The following LGSN variants were observed in gnomAD, a reference collection of about 807,000 sequenced individuals.
LGSN encodes the protein lengsin, lens protein with glutamine synthetase domain.
LGSN carries 21 observed loss-of-function variants against 19.5 expected under a neutral mutation model. The ratio of observed to expected loss-of-function variants is 1.07; its 90% CI spans 0.76 to 1.55. The LOEUF is 1.55. Among genes scored for constraint, LGSN ranks in the 40% most tolerant of loss-of-function variants. The pLI, the probability that LGSN is intolerant of heterozygous loss-of-function variation, is 0.00. For missense variants in LGSN, 673 were observed against 608.5 expected, an observed-to-expected ratio of 1.11 and a Z score of -1.12; for synonymous variants, 257 against 215.6, an observed-to-expected ratio of 1.19 and a Z score of -1.68.
chr6:63,472,224 C>G, the LGSN span, among the ~76,000 whole-genome samples: 2 of 152,296 alleles, frequency 1.3e-5, no homozygotes, highest in Non-Finnish European at 2.9e-5. Flanking sequence ...GCCCTTCAGC[C>G]TACATTTGGT....
At chr6:63,406,020 C>A in the LGSN span, among the ~76,000 whole-genome samples, 4 of 152,288 alleles carry the variant, frequency 2.6e-5, no homozygotes, top group East Asian at 7.7e-4. Context: ...CACCCAGATT[C>A]ATAAAGCAAG....
chr6:63,336,751 G>A, the LGSN span, among the ~76,000 whole-genome samples: 8 of 150,026 alleles, frequency 5.3e-5, no homozygotes, highest in Admixed American at 4.0e-4. Context: ...TCAGCATCCC[G>A]CGTAGTAGCT....
the LGSN span, among the ~76,000 whole-genome samples, chr6:63,351,449 G>C: frequency 1.3e-5 from 2 of 151,792 alleles, no homozygotes; most frequent in Admixed American, 6.6e-5. Context: ...GAGAGAGAGA[G>C]AGAGACAGAG....
the LGSN span, among the ~76,000 whole-genome samples, chr6:63,330,084 T>C: frequency 6.6e-6 from 1 of 152,216 alleles, no homozygotes; most frequent in Non-Finnish European, 1.5e-5. Flanking sequence ...TGTTGGATCA[T>C]CTGGTTGGGG....
At chr6:63,334,604 A>T in the LGSN span, among the ~76,000 whole-genome samples, 1 of 152,208 alleles carries the variant, frequency 6.6e-6, no homozygotes, top group Non-Finnish European at 1.5e-5. Context: ...AAACAGAAAA[A>T]ACAATTCTAA....
the LGSN span, chr6:63,550,221 G>C: frequency 6.6e-6 from 1 of 152,106 alleles, no homozygotes; most frequent in Non-Finnish European, 1.5e-5. Context: ...AATGCTTCAT[G>C]AGCCCCTCCC....
chr6:63,494,045 G>A, the LGSN span, among the ~76,000 whole-genome samples: 1 of 151,644 alleles, frequency 6.6e-6, no homozygotes, highest in Non-Finnish European at 1.5e-5. Flanking sequence ...TGCCTCCCGG[G>A]TTCAAGTGAT....
the LGSN span, among the ~76,000 whole-genome samples, chr6:63,353,702 A>G: frequency 2.6e-5 from 4 of 152,250 alleles, no homozygotes; most frequent in Non-Finnish European, 4.4e-5. Flanking sequence ...GTCCTCAGCA[A>G]AAAGAACAAA....
chr6:63,390,118 C>CTTTTTTTTTTTTTTTTTTTTTTT, the LGSN span, among the ~76,000 whole-genome samples: 1 of 66,336 alleles, frequency 1.5e-5, no homozygotes, highest in African/African-American at 6.7e-5. Flanking sequence ...TTCTTTCTTT[C>CTTTTTTTTTTTTTTTTTTTTTTT]TTTTTTTTTT....
the LGSN span, among the ~76,000 whole-genome samples, chr6:63,468,681 G>A: frequency 6.6e-6 from 1 of 152,184 alleles, no homozygotes; most frequent in Non-Finnish European, 1.5e-5. Context: ...GCCCGCCTCA[G>A]CCTCCCAAAG....
At position 63,310,792 on chromosome 6, in the gene LGSN, T is replaced by C. The variant is rs531503203; in HGVS notation, c.30+9122A>G. 2.6e-5 allele frequency among the ~76,000 whole-genome samples: 4 copies of C among 152,318 alleles called. No homozygotes were observed. In the East Asian group the frequency reaches 7.7e-4, roughly 29 times the overall value. The stretch of plus-strand genomic sequence containing the variant: ...AAGGAGCCAAATCAGTGCTGTAAAC[T>C]GGATGCTTATGATCTCCCATCAAAA... On this transcript the variant is annotated intron_variant, in intron 1 of 3. Transcript: ENST00000370657.
chr6:63,491,524 T>C, the LGSN span, among the ~76,000 whole-genome samples: 1 of 152,322 alleles, frequency 6.6e-6, no homozygotes, highest in Middle Eastern at 3.4e-3. Context: ...ACTGTTTCTC[T>C]TTTTCAATCA....
At chr6:63,377,689 G>T in the LGSN span, among the ~76,000 whole-genome samples, 1 of 152,002 alleles carries the variant, frequency 6.6e-6, no homozygotes, top group Non-Finnish European at 1.5e-5. Context: ...GAGGCAGGAG[G>T]ATCACTTAAG....
At chr6:63,385,667 G>T in the LGSN span, among the ~76,000 whole-genome samples, 1,471 of 152,220 alleles carry the variant, frequency 9.7e-3, 16 homozygotes, top group African/African-American at 0.033. Flanking sequence ...CTTATCCATA[G>T]TTTTCTAAGC....
At chr6:63,471,859 G>A in the LGSN span, among the ~76,000 whole-genome samples, 1 of 152,080 alleles carries the variant, frequency 6.6e-6, no homozygotes, top group Non-Finnish European at 1.5e-5. Flanking sequence ...GGACCCTCAG[G>A]ATGGGATTAG....
At chr6:63,305,049 A>G (rs1768325810) in intron 1 of LGSN, among the ~76,000 whole-genome samples, 1 of 152,152 alleles carries the variant, frequency 6.6e-6, no homozygotes, top group Non-Finnish European at 1.5e-5. Flanking sequence ...TTAGACCCCA[A>G]CAGAACAGAC....
chr6:63,507,586 A>T, the LGSN span, among the ~76,000 whole-genome samples: 1 of 152,132 alleles, frequency 6.6e-6, no homozygotes, highest in African/African-American at 2.4e-5. Flanking sequence ...TAAAATATCC[A>T]AAGCCAGTTT....
At chr6:63,359,978 T>C in the LGSN span, among the ~76,000 whole-genome samples, 1 of 152,246 alleles carries the variant, frequency 6.6e-6, no homozygotes, top group Non-Finnish European at 1.5e-5. Flanking sequence ...TTTAAGAATG[T>C]TGAATATTGG....
In LGSN at chr6:63,276,019, A is replaced by G. The variant is rs866093046; in HGVS notation, c.*4002T>C. On this transcript the variant is annotated 3_prime_UTR_variant, in exon 4 of 4. Coordinates refer to ENST00000370657, the MANE Select transcript of LGSN (RefSeq NM_016571.3). ...TTAGCAATTAGGAAGTATCATGTAAACCCCTAATTATAGGCAGCATGAGAA... is the reference window on the plus strand; with the variant it reads ...TTAGCAATTAGGAAGTATCATGTAAGCCCCTAATTATAGGCAGCATGAGAA... 6.6e-6 allele frequency: 1 copy of G among 152,158 alleles called. No homozygotes were observed. Among genetic ancestry groups the G allele is most frequent in the South Asian group, 2.1e-4 (1 of 4,828 alleles). 9.4% of individuals were successfully genotyped at this position (152,158 alleles called of 1,614,324 possible). A position where few individuals can be genotyped will look rare whatever the true frequency, so the allele number is the denominator to read the frequency against.
Sources: gnomAD v4.1 joint callset for allele counts (sites outside exome capture counted in the v4.1 genomes callset) on GRCh38, gnomAD v4.1.1 for gene constraint, MANE v1.5 for transcripts, NCBI Gene and HGNC (gene_info 2026-07-23, HGNC 2026-07-21) for gene names.